ZNF723: variants seen among roughly 807,000 people sequenced by gnomAD.
ZNF723 encodes zinc finger protein 723.
ZNF723 carries 5 observed loss-of-function variants against 9.4 expected under a neutral mutation model. That is an observed-to-expected ratio of 0.53 (90% CI 0.28 to 1.12). The LOEUF (loss-of-function observed/expected upper bound fraction) is 1.12, where lower values mean the gene tolerates loss of function less well. Ranked by LOEUF, ZNF723 falls within the 50% of genes most tolerant of loss-of-function variation. ZNF723 has a pLI of 0.10. For missense variants in ZNF723, 450 were observed against 501.5 expected, an observed-to-expected ratio of 0.90 and a Z score of 0.98; for synonymous variants, 158 against 168.8, an observed-to-expected ratio of 0.94 and a Z score of 0.49.
At chr19:22,854,105 TTTAA>T (rs1967436673) in intron 3 of ZNF723, among the ~76,000 whole-genome samples, 2 of 152,210 alleles carry the variant, frequency 1.3e-5, no homozygotes, top group African/African-American at 4.8e-5. Flanking sequence ...TATGTGTTTC[TTTAA>T]TTCTGTCAAT....
intron 1 of ZNF723, among the ~76,000 whole-genome samples, chr19:22,834,654 G>A (rs1227182255): frequency 6.6e-6 from 1 of 152,272 alleles, no homozygotes; most frequent in African/African-American, 2.4e-5. Context: ...CTGGGGCTGA[G>A]AGGCATCTCC....
Position 22,848,382 on chromosome 19 carries a change from TC to T in ZNF723, c.127del (p.Leu43TrpfsTer10). ...TTAGAGAACTACAGAAACCTGGTCT[TC>T]CTGGGTGAGAATAACTTCAATACAC... Reference protein sequence around the residue: ...VMLENYRNLVFLGVGVSKPDL... With the variant: ...VMLENYRNLVXLGVGVSKPDL... On this transcript the variant is annotated frameshift_variant, in exon 2 of 4. Transcript: ENST00000600766. LOFTEE classifies it high-confidence loss of function. The T allele has an allele frequency of 6.9e-7, 1 of 1,451,728 alleles. No individual in the cohort carries two copies. The highest frequency in any genetic ancestry group is 2.3e-5 in the East Asian group (1 of 43,196). 89.9% of individuals were successfully genotyped at this position (1,451,728 alleles called of 1,614,324 possible).
the ZNF723 span, among the ~76,000 whole-genome samples, chr19:22,813,712 G>A: frequency 1.3e-5 from 2 of 151,812 alleles, no homozygotes; most frequent in Non-Finnish European, 2.9e-5. Context: ...CTGCACTCCC[G>A]CCTGGATGAC....
Position 22,858,049 on chromosome 19 carries a change from A to T in ZNF723, c.1158A>T (p.Thr386=). Residue 386 remains threonine (T), a synonymous_variant, in exon 4 of 4, where the codon ACA becomes ACT. Transcript: ENST00000600766. Reference sequence around the variant, plus strand: ...TTAAAGTATCTGTACACCTTACTACACATAAGAGAATTCATACTGGAGAGA... The same window carrying T: ...TTAAAGTATCTGTACACCTTACTACTCATAAGAGAATTCATACTGGAGAGA... The part of the protein sequence containing the change: ...KAFKVSVHLT[T]HKRIHTGEKP... 1 of 1,517,826 alleles carries T rather than the reference A, an allele frequency of 6.6e-7. No individual in the cohort carries two copies. The highest frequency in any genetic ancestry group is 1.4e-5 in the African/African-American group (1 of 71,870). 94.0% of individuals were successfully genotyped at this position (1,517,826 alleles called of 1,614,324 possible).
At position 22,850,512 on chromosome 19, in the gene ZNF723, T is replaced by A. The variant is rs1325296842; in HGVS notation, c.226+1219T>A. Among the ~76,000 whole-genome samples the A allele has an allele frequency of 7.3e-5, 11 of 150,722 alleles. No individual in the cohort carries two copies. In the East Asian group the frequency reaches 2.2e-3, roughly 30 times the overall value. On this transcript the variant is annotated intron_variant, in intron 3 of 3. Coordinates refer to ENST00000600766, the MANE Select transcript of ZNF723 (RefSeq NM_001349726.2). ...GCTGGGTCTTTTTTTTTTTTCTTTT[T>A]ACTGAGATGGAGTTTTGCACTTGCT...
rs1967108102 is a variant in ZNF723, at chr19:22,832,335, G to A, written c.-45G>A. ...TGTGGCCTCCTGACCTACATGCATT[G>A]GGAGATCCACAGCTAAGACGCCAGG... On this transcript the variant is annotated 5_prime_UTR_variant, in exon 1 of 4. The change creates a premature stop within an existing upstream ORF in the 5' untranslated region. Coordinates refer to ENST00000600766, the MANE Select transcript of ZNF723 (RefSeq NM_001349726.2). The A allele has an allele frequency of 3.6e-6, 5 of 1,381,544 alleles. No individual in the cohort carries two copies. The East Asian group carries it at 7.9e-5, about 22-fold the overall frequency. The allele number at this position is 1,381,544 out of a possible 1,614,324, so 85.6% of individuals were successfully genotyped here.
intron 1 of ZNF723, among the ~76,000 whole-genome samples, chr19:22,840,046 ATAT>A (rs1456336003): frequency 1.3e-5 from 2 of 152,154 alleles, no homozygotes; most frequent in East Asian, 1.9e-4. Context: ...GTTTGCAAAC[ATAT>A]TATTCTATTC....
At chr19:22,855,599 ATGCAG>A (rs1157530366) in intron 3 of ZNF723, among the ~76,000 whole-genome samples, 3 of 152,202 alleles carry the variant, frequency 2.0e-5, no homozygotes, top group Non-Finnish European at 2.9e-5. Flanking sequence ...TATAGGGCAC[ATGCAG>A]TGCCAATATA....
chr19:22,854,976 G>A (rs186758798), intron 3 of ZNF723, among the ~76,000 whole-genome samples: 8 of 152,080 alleles, frequency 5.3e-5, no homozygotes, highest in African/African-American at 1.9e-4. Flanking sequence ...GAACCCAGAA[G>A]GTGGAGGTCA....
chr19:22,822,373 A>G, the ZNF723 span, among the ~76,000 whole-genome samples: 1 of 152,220 alleles, frequency 6.6e-6, no homozygotes, highest in Admixed American at 6.5e-5. Context: ...GCTCAGAGGC[A>G]CAGTGATTAG....
At chr19:22,838,684 CATG>C (rs2145210226) in intron 1 of ZNF723, among the ~76,000 whole-genome samples, 1 of 152,044 alleles carries the variant, frequency 6.6e-6, no homozygotes, top group East Asian at 1.9e-4. Context: ...CACAGTATTC[CATG>C]ATATTTATAT....
In ZNF723 at chr19:22,857,691, A is replaced by G. The variant is rs1967500851; in HGVS notation, c.800A>G (p.Asn267Ser). 7.9e-7 allele frequency: 1 copy of G among 1,267,374 alleles called. No individual in the cohort carries two copies. Among genetic ancestry groups the G allele is most frequent in the Non-Finnish European group, 1.2e-6 (1 of 864,884 alleles). 78.5% of individuals were successfully genotyped at this position (1,267,374 alleles called of 1,614,324 possible). A position where few individuals can be genotyped will look rare whatever the true frequency, so the allele number is the denominator to read the frequency against. ...TGTGAAGAATGTGGCAAAACCTTTAATATGTTCTCAAGCCTTAATAATCAT... is the reference window on the plus strand; with the variant it reads ...TGTGAAGAATGTGGCAAAACCTTTAGTATGTTCTCAAGCCTTAATAATCAT... ...YKCEECGKTF[N>S]MFSSLNNHKR... The change falls in exon 4 of 4, where the codon AAT becomes AGT. Residue 267 changes from asparagine (N) to serine (S), a missense_variant. Asn to Ser is a conservative substitution (Grantham distance 46, BLOSUM62 1). Transcript: ENST00000600766.
chr19:22,829,932 C>T (rs117721040), upstream of ZNF723, among the ~76,000 whole-genome samples: 1 of 152,280 alleles, frequency 6.6e-6, no homozygotes, highest in Non-Finnish European at 1.5e-5. Flanking sequence ...GCTTTTTCCA[C>T]CATGTAGCTA....
chr19:22,819,667 T>C, the ZNF723 span, among the ~76,000 whole-genome samples: 1 of 152,218 alleles, frequency 6.6e-6, no homozygotes, highest in East Asian at 1.9e-4. Flanking sequence ...CAGAAAGCAT[T>C]GCAACATATC....
the ZNF723 span, among the ~76,000 whole-genome samples, chr19:22,812,706 C>G: frequency 1.8e-3 from 271 of 152,296 alleles, no homozygotes; most frequent in Non-Finnish European, 2.6e-3. Context: ...GACATGAACA[C>G]AGCCCACTGT....
the ZNF723 span, among the ~76,000 whole-genome samples, chr19:22,823,992 G>A: frequency 6.6e-6 from 1 of 152,206 alleles, no homozygotes; most frequent in Non-Finnish European, 1.5e-5. Flanking sequence ...ACCCTCAGAA[G>A]AACTTATGAC....
intron 1 of ZNF723, among the ~76,000 whole-genome samples, chr19:22,844,284 A>C (rs1458557782): frequency 1.3e-5 from 2 of 151,876 alleles, no homozygotes; most frequent in Non-Finnish European, 2.9e-5. Context: ...TAGTCACACA[A>C]AAAAAATATA....
chr19:22,832,015 T>C (rs1967103505), upstream of ZNF723, among the ~76,000 whole-genome samples: 1 of 152,266 alleles, frequency 6.6e-6, no homozygotes, highest in African/African-American at 2.4e-5. Context: ...ATTATATTCT[T>C]TTCCTTTGTG....
Position 22,835,650 on chromosome 19 carries a change from G to A in ZNF723, c.3+3268G>A, listed in dbSNP as rs558540285. ...TAATGCTATCAAGGCAAATAATAGG[G>A]AAATCTCTCTTTTATTTTGGCTGTA... On this transcript the variant is annotated intron_variant, in intron 1 of 3. Coordinates refer to ENST00000600766, the MANE Select transcript of ZNF723 (RefSeq NM_001349726.2). Among the ~76,000 whole-genome samples the A allele has an allele frequency of 3.3e-5, 5 of 152,220 alleles. No individual in the cohort carries two copies. In the South Asian group the frequency reaches 1.0e-3, roughly 32 times the overall value.
Sources: gnomAD v4.1 joint callset for allele counts (sites outside exome capture counted in the v4.1 genomes callset) on GRCh38, gnomAD v4.1.1 for gene constraint, MANE v1.5 for transcripts, NCBI Gene and HGNC (gene_info 2026-07-23, HGNC 2026-07-21) for gene names.